Variants in PPP2R2D observed in about 807,000 individuals in gnomAD.
PPP2R2D encodes serine/threonine-protein phosphatase 2A 55 kDa regulatory subunit B delta isoform.
A neutral mutation model predicts 31.1 loss-of-function variants in PPP2R2D; 9 were observed. The observed-to-expected ratio is 0.29, with a 90% CI of 0.17 to 0.51. PPP2R2D has a LOEUF of 0.51. Ranked by LOEUF, PPP2R2D falls within the 20% of genes least tolerant of loss-of-function variation. The probability of loss-of-function intolerance (pLI) is 0.98; values close to 1 mark genes in which losing one functional copy is unlikely to be tolerated. For missense variants in PPP2R2D, 391 were observed against 465.6 expected (o/e 0.84, Z 1.48); for synonymous variants, 179 against 172.6 (o/e 1.04, Z -0.29).
chr10:131,932,215 G>A (rs1005097598), intron 2 of PPP2R2D, among the ~76,000 whole-genome samples: 1 of 152,114 alleles, frequency 6.6e-6, no homozygotes, highest in Admixed American at 6.5e-5. Context: ...GCAGTGCCAC[G>A]GCAGGTGGAG....
downstream of PPP2R2D, among the ~76,000 whole-genome samples, chr10:131,960,410 T>C (rs1029326783): frequency 5.9e-5 from 9 of 152,204 alleles, no homozygotes; most frequent in African/African-American, 2.2e-4. Context: ...GTAAGTGGAT[T>C]TAACGTGCCT....
intron 3 of PPP2R2D, among the ~76,000 whole-genome samples, chr10:131,936,065 A>G (rs2036333761): frequency 6.7e-6 from 1 of 150,028 alleles, no homozygotes; most frequent in Admixed American, 6.6e-5. Context: ...CTTCATCTCA[A>G]AAAAAAAAAG....
Position 131,956,177 on chromosome 10 carries a change from C to G in PPP2R2D, c.*214C>G. The G allele has an allele frequency of 8.1e-7, 1 of 1,228,470 alleles. No individual in the cohort carries two copies. Among genetic ancestry groups the G allele is most frequent in the Non-Finnish European group, 1.0e-6 (1 of 986,082 alleles). The allele number at this position is 1,228,470 out of a possible 1,614,324, so 76.1% of individuals were successfully genotyped here. A position where few individuals can be genotyped will look rare whatever the true frequency, so the allele number is the denominator to read the frequency against. ...GCGCTGCTGCTCACGTGGAGACGCT[C>G]TCGAAGCAGAGTTGACGGACACTGC... On this transcript the variant is annotated 3_prime_UTR_variant, in exon 9 of 9. Coordinates refer to ENST00000455566, the MANE Select transcript of PPP2R2D (RefSeq NM_018461.5).
chr10:131,940,015 T>G lies in PPP2R2D; in HGVS notation c.199-16T>G, dbSNP rs371185897. 7 of 695,682 alleles carry G rather than the reference T, an allele frequency of 1.0e-5. No individual in the cohort carries two copies. Among genetic ancestry groups the G allele is most frequent in the African/African-American group, 8.9e-5 (5 of 56,350 alleles). 43.1% of individuals were successfully genotyped at this position (695,682 alleles called of 1,614,324 possible). On this transcript the variant is annotated splice_polypyrimidine_tract_variant and intron_variant, in intron 3 of 8. Transcript: ENST00000455566. ...TGTGCTTTGTTCATTAAAACAGCTC[T>G]CATGTTTCCTTGCAGAATAAAAGCC...
intron 7 of PPP2R2D, among the ~76,000 whole-genome samples, chr10:131,946,609 C>T (rs911498192): frequency 6.6e-6 from 1 of 152,196 alleles, no homozygotes; most frequent in Non-Finnish European, 1.5e-5. Flanking sequence ...GCATAAAATT[C>T]TTGAGTAAAT....
Position 131,917,573 on chromosome 10 carries a change from G to A in PPP2R2D, c.100+16243G>A, listed in dbSNP as rs1589929441. ...CACAGTGTTTGTAGGGACCTCAGGC[G>A]GGTGGAATGACAGTGTTTGTAGGGA... On this transcript the variant is annotated intron_variant, in intron 2 of 8. Transcript: ENST00000455566. 1.6e-5 allele frequency among the ~76,000 whole-genome samples: 2 copies of A among 125,642 alleles called. 1 individual carries two copies. Among genetic ancestry groups the A allele is most frequent in the South Asian group, 5.7e-4 (2 of 3,536 alleles). 82.4% of individuals were successfully genotyped at this position (125,642 alleles called of 152,430 possible).
chr10:131,925,436 G>A (rs1162225810), intron 2 of PPP2R2D, among the ~76,000 whole-genome samples: 3 of 152,120 alleles, frequency 2.0e-5, no homozygotes, highest in Admixed American at 6.5e-5. Context: ...TATTAGTATG[G>A]TGTATTACAT....
At position 131,944,017 on chromosome 10, in the gene PPP2R2D, G is replaced by A; in HGVS notation, c.527G>A (p.Arg176Gln). The A allele has an allele frequency of 6.9e-7, 1 of 1,448,684 alleles. No homozygotes were observed. The highest frequency in any genetic ancestry group is 9.7e-7 in the Non-Finnish European group (1 of 1,029,536). The allele number at this position is 1,448,684 out of a possible 1,614,324, so 89.7% of individuals were successfully genotyped here. A position where few individuals can be genotyped will look rare whatever the true frequency, so the allele number is the denominator to read the frequency against. The change falls in exon 6 of 9, where the codon CGA becomes CAA. Residue 176 changes from arginine (R) to glutamine (Q), a missense_variant. This residue lies in a region of PPP2R2D where 105 missense variants were observed against 98.5 expected (regional missense o/e 1.07). Transcript: ENST00000455566. ...CTTATGGTAGAAGCGAGTCCACGGC[G>A]AATTTTTGCAAATGCTCACACATAT... ...MDLMVEASPR[R>Q]IFANAHTYHI...
Position 131,947,721 on chromosome 10 carries a change from A to C in PPP2R2D, c.1012A>C (p.Lys338Gln), listed in dbSNP as rs1246277757. ...THQVHEYLRSKLCSLYENDCI... is the reference protein window; with the variant it reads ...THQVHEYLRSQLCSLYENDCI... Reference sequence around the variant, plus strand: ...CCAGGTCCACGAGTACCTGCGCAGCAAGCTCTGCTCTCTCTATGAGAACGA... The same window carrying C: ...CCAGGTCCACGAGTACCTGCGCAGCCAGCTCTGCTCTCTCTATGAGAACGA... The change falls in exon 8 of 9, where the codon AAG (lysine) becomes CAG (glutamine). Residue 338 changes from lysine (K) to glutamine (Q), a missense_variant. Coordinates refer to ENST00000455566, the MANE Select transcript of PPP2R2D (RefSeq NM_018461.5). The surrounding 1 kb of genome is among the most constrained non-coding windows in gnomAD (Gnocchi z 4.3). The C allele has an allele frequency of 3.7e-6, 6 of 1,614,212 alleles. No homozygotes were observed. Among genetic ancestry groups the C allele is most frequent in the Non-Finnish European group, 4.2e-6 (5 of 1,180,036 alleles).
In PPP2R2D at chr10:131,957,424, C is replaced by T. The variant is rs2036821378; in HGVS notation, c.*1461C>T. The stretch of plus-strand genomic sequence containing the variant: ...TGTGGAGATGGAGGTGTGTGCTGAT[C>T]CCCCATCCCATCCCCCTGTCTAGAT... On this transcript the variant is annotated 3_prime_UTR_variant, in exon 9 of 9. Coordinates refer to ENST00000455566, the MANE Select transcript of PPP2R2D (RefSeq NM_018461.5). The T allele has an allele frequency of 5.2e-6, 1 of 191,688 alleles. No individual in the cohort carries two copies. 11.9% of individuals were successfully genotyped at this position (191,688 alleles called of 1,614,324 possible).
chr10:131,964,525 C>T (rs782225458), downstream of PPP2R2D, among the ~76,000 whole-genome samples: 3 of 152,174 alleles, frequency 2.0e-5, no homozygotes, highest in Non-Finnish European at 4.4e-5. Context: ...AAGCCCACGG[C>T]TTCGTGCTAG....
chr10:131,971,132 G>T, the PPP2R2D span: 1 of 668,422 alleles, frequency 1.5e-6, no homozygotes, highest in East Asian at 2.7e-5. Flanking sequence ...GGGGCTGGGG[G>T]CCTTCCCCGG....
In PPP2R2D at chr10:131,947,197, A is replaced by G. The variant is rs1325909264; in HGVS notation, c.821-333A>G. Among the ~76,000 whole-genome samples, 4 of 152,352 alleles carry G rather than the reference A, an allele frequency of 2.6e-5. No individual in the cohort carries two copies. The highest frequency in any genetic ancestry group is 3.4e-3 in the Middle Eastern group (1 of 294). On this transcript the variant is annotated intron_variant, in intron 7 of 8. Transcript: ENST00000455566. This position sits in a 1 kb window ranked among gnomAD's most constrained non-coding sequence, Gnocchi z 4.3. ...ATGCGGTGGTGCTGAACCTGGGCAC[A>G]CATCAGGATGCCCCGAGGAGCTCCC... is the stretch of plus-strand genomic sequence containing the variant.
chr10:131,970,981 G>C, the PPP2R2D span: 1 of 1,611,168 alleles, frequency 6.2e-7, no homozygotes. The surrounding 1 kb of genome is among the most constrained non-coding windows in gnomAD (Gnocchi z 4.1). Context: ...CTAAGATAAA[G>C]TCAATGTTAA....
chr10:131,927,718 G>T (rs374626676), intron 2 of PPP2R2D, among the ~76,000 whole-genome samples: 14 of 152,176 alleles, frequency 9.2e-5, no homozygotes, highest in African/African-American at 3.4e-4. Flanking sequence ...GGTATAAGTG[G>T]AATTGCACCC....
At chr10:131,934,148 A>G (rs1310060685) in intron 2 of PPP2R2D, among the ~76,000 whole-genome samples, 3 of 152,092 alleles carry the variant, frequency 2.0e-5, no homozygotes, top group Admixed American at 6.5e-5. Context: ...TCTTTTACAG[A>G]TGAATTTTCT....
At chr10:131,937,075 C>G (rs557882539) in intron 3 of PPP2R2D, among the ~76,000 whole-genome samples, 1 of 152,326 alleles carries the variant, frequency 6.6e-6, no homozygotes, top group South Asian at 2.1e-4. Flanking sequence ...CACAGGCGTC[C>G]ACGTGTGCGT....
chr10:131,908,010 T>C (rs1413652042), intron 2 of PPP2R2D, among the ~76,000 whole-genome samples: 1 of 152,218 alleles, frequency 6.6e-6, no homozygotes, highest in African/African-American at 2.4e-5. Context: ...AGAAGTTAAA[T>C]CAGAAGCTTT....
intron 2 of PPP2R2D, chr10:131,911,778 ACTG>A (rs2035687996): frequency 6.6e-6 from 1 of 152,246 alleles, no homozygotes; most frequent in African/African-American, 2.4e-5. Flanking sequence ...CACTTTGAGA[ACTG>A]CTGCTTGAAT....
Sources: allele counts gnomAD v4.1 joint callset (sites outside exome capture counted in the v4.1 genomes callset), GRCh38; gene constraint gnomAD v4.1.1; regional missense constraint gnomAD v4.1.1; non-coding constraint Gnocchi (gnomAD v3.1); transcripts MANE v1.5; gene names NCBI Gene and HGNC (gene_info 2026-07-23, HGNC 2026-07-21).